ZEB1: variants seen among roughly 807,000 people sequenced by gnomAD.
ZEB1 encodes zinc finger E-box-binding homeobox 1.
A neutral mutation model predicts 84.9 loss-of-function variants in ZEB1; 21 were observed. The ratio of observed to expected loss-of-function variants is 0.25; its 90% CI spans 0.18 to 0.36. ZEB1 has a LOEUF of 0.36. Among genes scored for constraint, ZEB1 ranks in the 10% least tolerant of loss-of-function variants. The pLI is 1.00. For synonymous variants in ZEB1, 420 were observed against 471.1 expected (o/e 0.89, Z 1.41); for missense variants, 1,104 against 1,330.2 (o/e 0.83, Z 2.65).
At position 31,452,071 on chromosome 10, in the gene ZEB1, G is replaced by A. The variant is rs1293857676; in HGVS notation, c.59-8966G>A. 2.0e-5 allele frequency among the ~76,000 whole-genome samples: 3 copies of A among 151,788 alleles called. No individual in the cohort carries two copies. The South Asian group carries it at 6.2e-4, about 32-fold the overall frequency. Reference sequence around the variant, plus strand: ...AAATTTAGAATGATTGACTTTTATTGGAGTTATGTTTTAAAATATATTTTG... The same window carrying A: ...AAATTTAGAATGATTGACTTTTATTAGAGTTATGTTTTAAAATATATTTTG... On this transcript the variant is annotated intron_variant, in intron 1 of 8. Coordinates refer to ENST00000424869, the MANE Select transcript of ZEB1 (RefSeq NM_001174096.2).
intron 1 of ZEB1, among the ~76,000 whole-genome samples, chr10:31,368,111 A>G (rs1164679444): frequency 6.6e-6 from 1 of 152,076 alleles, no homozygotes; most frequent in Non-Finnish European, 1.5e-5. Flanking sequence ...ATACTGTCCC[A>G]CAGTATTTGC....
At chr10:31,362,955 C>A in intron 1 of ZEB1, 1 of 1,533,902 alleles carries the variant, frequency 6.5e-7, no homozygotes, top group African/African-American at 1.4e-5. Flanking sequence ...AAGCCTGACC[C>A]ACCAACAGTG....
chr10:31,450,560 A>G (rs2060440025), intron 1 of ZEB1, among the ~76,000 whole-genome samples: 1 of 151,890 alleles, frequency 6.6e-6, no homozygotes, highest in African/African-American at 2.4e-5. Context: ...TTTCTCTTTT[A>G]TTCTTTTTAA....
chr10:31,427,686 T>TA (rs1046474443), intron 1 of ZEB1, among the ~76,000 whole-genome samples: 3 of 152,052 alleles, frequency 2.0e-5, no homozygotes, highest in Non-Finnish European at 4.4e-5. Flanking sequence ...ACCCCATCTC[T>TA]ACTAAAAATA....
intron 1 of ZEB1, among the ~76,000 whole-genome samples, chr10:31,453,283 A>C (rs2060820275): frequency 6.6e-6 from 1 of 152,172 alleles, no homozygotes; most frequent in Non-Finnish European, 1.5e-5. Context: ...TTATCGTCGG[A>C]CAAGAATTGA....
intron 1 of ZEB1, among the ~76,000 whole-genome samples, chr10:31,329,712 C>A (rs761920461): frequency 6.6e-6 from 1 of 152,068 alleles, no homozygotes; most frequent in Non-Finnish European, 1.5e-5. Context: ...TCCTTGCAAA[C>A]AATTGTCCAT....
chr10:31,362,354 C>G lies in ZEB1; in HGVS notation c.58+43062C>G, dbSNP rs567605914. ...GGCCGAGCAGAGGCGCTCCTCACTT[C>G]CCAGAGTGTAGGGGGGCCGGGCAGA... is the stretch of plus-strand genomic sequence containing the variant. On this transcript the variant is annotated intron_variant, in intron 1 of 8. Transcript: ENST00000424869. Among the ~76,000 whole-genome samples the G allele has an allele frequency of 5.0e-3, 753 of 150,620 alleles. 9 individuals are homozygous for G. Among genetic ancestry groups the G allele is most frequent in the African/African-American group, 0.018 (716 of 40,902 alleles).
intron 1 of ZEB1, among the ~76,000 whole-genome samples, chr10:31,371,011 G>A (rs2045604149): frequency 6.6e-6 from 1 of 152,078 alleles, no homozygotes; most frequent in Admixed American, 6.6e-5. Context: ...GAGCCTCCAT[G>A]CCTGGCCAAA....
intron 1 of ZEB1, among the ~76,000 whole-genome samples, chr10:31,372,028 A>C (rs1278164749): frequency 6.6e-6 from 1 of 152,096 alleles, no homozygotes; most frequent in Non-Finnish European, 1.5e-5. Flanking sequence ...TGTGAGAGAG[A>C]GAGAGAAGGA....
chr10:31,449,380 G>A (rs1449284523), intron 1 of ZEB1, among the ~76,000 whole-genome samples: 3 of 152,174 alleles, frequency 2.0e-5, no homozygotes, highest in South Asian at 2.1e-4. Flanking sequence ...CTTCTGCGTC[G>A]CTCACGCTGG....
At chr10:31,343,944 C>G (rs2039841943) in intron 1 of ZEB1, among the ~76,000 whole-genome samples, 2 of 152,036 alleles carry the variant, frequency 1.3e-5, no homozygotes, top group Non-Finnish European at 2.9e-5. Context: ...TTGGCATAAT[C>G]CCCACGTTTT....
chr10:31,436,136 G>A (rs1325129388), intron 1 of ZEB1, among the ~76,000 whole-genome samples: 4 of 152,154 alleles, frequency 2.6e-5, no homozygotes, highest in African/African-American at 9.7e-5. Context: ...ACCCTTATTC[G>A]CCATGTATGG....
At chr10:31,421,211 G>A (rs532369686) in intron 1 of ZEB1, among the ~76,000 whole-genome samples, 26 of 152,166 alleles carry the variant, frequency 1.7e-4, no homozygotes, top group African/African-American at 6.3e-4. Context: ...ACAGGCAGTT[G>A]TGTTAGTGAG....
At chr10:31,410,315 T>C (rs901976479) in intron 1 of ZEB1, among the ~76,000 whole-genome samples, 3 of 152,136 alleles carry the variant, frequency 2.0e-5, no homozygotes, top group African/African-American at 7.2e-5. Context: ...TTATGTTGAT[T>C]GATTTGCATG....
chr10:31,448,976 T>G (rs370737523), intron 1 of ZEB1, among the ~76,000 whole-genome samples: 58 of 149,466 alleles, frequency 3.9e-4, no homozygotes, highest in South Asian at 1.1e-3. Context: ...GTTTACCTAA[T>G]CAAGCCTGGG....
rs535132170 is a variant in ZEB1, at chr10:31,347,984, CT to C, written c.58+28695del. ...AACAGATGGTGTCTGGAAACATGTT[CT>C]TTAATCTTTGCTGTGCCACATACTA... On this transcript the variant is annotated intron_variant, in intron 1 of 8. Transcript: ENST00000424869. Among the ~76,000 whole-genome samples, 383 of 152,278 alleles carry C rather than the reference CT, an allele frequency of 2.5e-3. 5 individuals are homozygous for C. Among genetic ancestry groups the C allele is most frequent in the African/African-American group, 9.0e-3 (372 of 41,552 alleles).
rs1449025160 is a variant in ZEB1 at position 31,520,335 on chromosome 10, A to C, written c.1003A>C (p.Asn335His). 8 of 1,613,860 alleles carry C rather than the reference A, an allele frequency of 5.0e-6. No homozygotes were observed. The highest frequency in any genetic ancestry group is 6.8e-6 in the Non-Finnish European group (8 of 1,179,938). ...TRPQIRQKIE[N>H]KPLQEQLSVN... The stretch of plus-strand genomic sequence containing the variant: ...ACCACAGATACGGCAAAAGATAGAG[A>C]ATAAACCCCTTCAAGAACAACTTTC... Residue 335 changes from asparagine to histidine, a missense_variant, in exon 7 of 9, where the codon AAT becomes CAT. By Grantham distance (68) the Asn-to-His change is moderately conservative. Transcript: ENST00000424869. This position sits in a 1 kb window ranked among gnomAD's most constrained non-coding sequence, Gnocchi z 5.1.
intron 1 of ZEB1, among the ~76,000 whole-genome samples, chr10:31,426,138 A>G (rs2056896231): frequency 6.6e-6 from 1 of 152,128 alleles, no homozygotes; most frequent in Non-Finnish European, 1.5e-5. Flanking sequence ...CAACTCTACC[A>G]ATGTTACAGT....
At chr10:31,402,338 C>G (rs1405175410) in intron 1 of ZEB1, among the ~76,000 whole-genome samples, 1 of 151,752 alleles carries the variant, frequency 6.6e-6, no homozygotes, top group African/African-American at 2.4e-5. Context: ...TAAGATTACT[C>G]CAAAGTATTA....
Sources: gnomAD v4.1 joint callset for allele counts (sites outside exome capture counted in the v4.1 genomes callset) on GRCh38, gnomAD v4.1.1 for gene constraint, Gnocchi (gnomAD v3.1) non-coding constraint, MANE v1.5 for transcripts, NCBI Gene and HGNC (gene_info 2026-07-23, HGNC 2026-07-21) for gene names.